Variants in TMLHE observed in about 807,000 individuals in gnomAD.
TMLHE encodes the protein trimethyllysine dioxygenase, mitochondrial.
A neutral mutation model predicts 25.7 loss-of-function variants in TMLHE; 18 were observed. That is an observed-to-expected ratio of 0.70 (90% CI 0.48 to 1.04). The LOEUF (loss-of-function observed/expected upper bound fraction) is 1.04, where lower values mean the gene tolerates loss of function less well. TMLHE is among the 50% of genes least tolerant of loss of function. The probability of loss-of-function intolerance (pLI) is 0.00; values close to 1 mark genes in which losing one functional copy is unlikely to be tolerated. For synonymous variants in TMLHE, 105 were observed against 97.0 expected, an observed-to-expected ratio of 1.08 and a Z score of -0.49; for missense variants, 236 against 259.0, an observed-to-expected ratio of 0.91 and a Z score of 0.61.
intron 5 of TMLHE, among the ~76,000 whole-genome samples, chrX:155,510,605 T>G (rs1411532605): frequency 2.6e-4 from 29 of 109,690 alleles, no homozygotes; most frequent in Non-Finnish European, 4.4e-4. Flanking sequence ...CTGCATAGTA[T>G]TCCATGGTGT....
intron 2 of TMLHE, among the ~76,000 whole-genome samples, chrX:155,542,935 GGT>G (rs781984053): frequency 1.2e-4 from 13 of 107,359 alleles, no homozygotes; most frequent in Admixed American, 2.0e-4. Flanking sequence ...TATTTTAAGG[GGT>G]GTGTGTGTGT....
At chrX:155,605,011 T>C (rs1043555021) in intron 1 of TMLHE, among the ~76,000 whole-genome samples, 1 of 111,276 alleles carries the variant, frequency 9.0e-6, no homozygotes, top group Non-Finnish European at 1.9e-5. Context: ...CAGAGTGTCT[T>C]TTTTCCTCCA....
intron 1 of TMLHE, among the ~76,000 whole-genome samples, chrX:155,546,809 C>G (rs2067347966): frequency 9.0e-6 from 1 of 111,163 alleles, no homozygotes; most frequent in Admixed American, 9.6e-5. Context: ...TTTCCAACCT[C>G]CTACCTACAG....
intron 1 of TMLHE, among the ~76,000 whole-genome samples, chrX:155,597,812 C>A (rs190190024): frequency 7.9e-4 from 85 of 107,469 alleles, no homozygotes; most frequent in African/African-American, 2.8e-3. Flanking sequence ...CCAAAAAAAA[C>A]AATCTGAAAT....
At chrX:155,592,389 C>T (rs973310881) in intron 1 of TMLHE, among the ~76,000 whole-genome samples, 2 of 112,145 alleles carry the variant, frequency 1.8e-5, no homozygotes, top group Non-Finnish European at 3.8e-5. Context: ...ACCAAAACAT[C>T]TTTGTGAAAA....
chrX:155,593,752 T>A (rs1457173683), intron 1 of TMLHE, among the ~76,000 whole-genome samples: 1 of 110,667 alleles, frequency 9.0e-6, no homozygotes, highest in African/African-American at 3.3e-5. Flanking sequence ...AACAATTTTT[T>A]AAAAATAAAA....
At chrX:155,548,475 C>A (rs782326540) in intron 1 of TMLHE, among the ~76,000 whole-genome samples, 2 of 110,461 alleles carry the variant, frequency 1.8e-5, no homozygotes, top group Non-Finnish European at 3.8e-5. Flanking sequence ...GTGGCTCATG[C>A]CTGAAATCCC....
At chrX:155,539,971 T>C (rs1159213413) in intron 2 of TMLHE, among the ~76,000 whole-genome samples, 1 of 108,851 alleles carries the variant, frequency 9.2e-6, no homozygotes, top group Non-Finnish European at 1.9e-5. Context: ...AACTCATCGA[T>C]AGGGCTTTGA....
chrX:155,595,809 C>T (rs912705267), intron 1 of TMLHE, among the ~76,000 whole-genome samples: 2 of 111,325 alleles, frequency 1.8e-5, no homozygotes, highest in African/African-American at 6.5e-5. Flanking sequence ...ATAAGGCAAA[C>T]GAAAAGGTGA....
chrX:155,611,736 A>G (rs2067823516), intron 1 of TMLHE: 1 of 111,892 alleles, frequency 8.9e-6, no homozygotes, highest in African/African-American at 3.3e-5. Context: ...TTTGCAAAAT[A>G]TATGTTCACC....
At chrX:155,584,497 A>G (rs2067652179) in intron 1 of TMLHE, among the ~76,000 whole-genome samples, 1 of 110,987 alleles carries the variant, frequency 9.0e-6, no homozygotes, top group African/African-American at 3.3e-5. Context: ...TTCGACATCC[A>G]TATGTCTATA....
intron 1 of TMLHE, among the ~76,000 whole-genome samples, chrX:155,598,407 A>G (rs1215233529): frequency 1.8e-5 from 2 of 109,947 alleles, no homozygotes; most frequent in Non-Finnish European, 3.8e-5. Flanking sequence ...TTGTAGGGAC[A>G]TGGATGAAGC....
chrX:155,600,382 C>T (rs2067748944), intron 1 of TMLHE, among the ~76,000 whole-genome samples: 1 of 111,689 alleles, frequency 9.0e-6, no homozygotes, highest in South Asian at 3.7e-4. Flanking sequence ...ACATTGTGCT[C>T]ATATTTTAAA....
chrX:155,557,789 C>A (rs782306119), intron 1 of TMLHE, among the ~76,000 whole-genome samples: 1 of 111,355 alleles, frequency 9.0e-6, no homozygotes, highest in Non-Finnish European at 1.9e-5. Context: ...ACTCAAAAAT[C>A]AGTGCTTCAA....
At position 155,517,086 on chromosome X, in the gene TMLHE, C is replaced by A. The variant is rs1409091270; in HGVS notation, c.359-2821G>T. On this transcript the variant is annotated intron_variant, in intron 3 of 7. Coordinates refer to ENST00000334398, the MANE Select transcript of TMLHE (RefSeq NM_018196.4). ...GCTTTTGGTGTTTTGGACATGAAGT[C>A]CTTGCCCATGCCTATGTCCTGAATG... Among the ~76,000 whole-genome samples, 119 of 58,184 alleles carry A rather than the reference C, an allele frequency of 2.0e-3. 1 individual carries two copies. The highest frequency in any genetic ancestry group is 4.7e-3 in the African/African-American group (116 of 24,495). 50.5% of individuals were successfully genotyped at this position (58,184 alleles called of 115,157 possible). A position where few individuals can be genotyped will look rare whatever the true frequency, so the allele number is the denominator to read the frequency against.
At chrX:155,577,257 C>G (rs1285784524) in intron 1 of TMLHE, among the ~76,000 whole-genome samples, 2 of 111,796 alleles carry the variant, frequency 1.8e-5, no homozygotes, top group Non-Finnish European at 3.8e-5. Context: ...TAAAAAAGTG[C>G]TAAACATCAC....
chrX:155,511,329 C>T (rs2067110848), intron 5 of TMLHE, among the ~76,000 whole-genome samples: 1 of 110,555 alleles, frequency 9.0e-6, no homozygotes, highest in African/African-American at 3.3e-5. Context: ...CCCCGCTCAC[C>T]TTCCACCATG....
intron 3 of TMLHE, among the ~76,000 whole-genome samples, chrX:155,515,662 G>A (rs1363473702): frequency 1.8e-5 from 2 of 110,869 alleles, no homozygotes; most frequent in Admixed American, 9.6e-5. Context: ...TTTCTAATTT[G>A]GTAACTAAAG....
At chrX:155,547,184 G>A (rs5940481) in intron 1 of TMLHE, among the ~76,000 whole-genome samples, 13 of 96,742 alleles carry the variant, frequency 1.3e-4, no homozygotes, top group Admixed American at 2.3e-4. Flanking sequence ...TTGCTCTGTC[G>A]CCCAGGCTGG....
Sources: allele counts gnomAD v4.1 joint callset (sites outside exome capture counted in the v4.1 genomes callset), GRCh38; gene constraint gnomAD v4.1.1; transcripts MANE v1.5; gene names NCBI Gene and HGNC (gene_info 2026-07-23, HGNC 2026-07-21).